The following ABCF2 variants were observed in gnomAD, a reference collection of about 807,000 sequenced individuals.
ABCF2 encodes the protein ATP binding cassette subfamily F member 2, also known as ATP-binding cassette sub-family F member 2.
ABCF2 carries 37 observed loss-of-function variants against 76.9 expected under a neutral mutation model. The observed-to-expected ratio is 0.48, with a 90% CI of 0.37 to 0.63. The LOEUF (loss-of-function observed/expected upper bound fraction) is 0.63, where lower values mean the gene tolerates loss of function less well. Ranked by LOEUF, ABCF2 falls within the 30% of genes least tolerant of loss-of-function variation. The probability of loss-of-function intolerance (pLI) is 0.00; values close to 1 mark genes in which losing one functional copy is unlikely to be tolerated. For missense variants in ABCF2, 524 were observed against 782.1 expected, an observed-to-expected ratio of 0.67 and a Z score of 3.94; for synonymous variants, 299 against 283.7, an observed-to-expected ratio of 1.05 and a Z score of -0.54.
intron 7 of ABCF2, among the ~76,000 whole-genome samples, chr7:151,220,542 T>C (rs1802246759): frequency 6.6e-6 from 1 of 152,168 alleles, no homozygotes; most frequent in Non-Finnish European, 1.5e-5. Flanking sequence ...AGGACATCAA[T>C]CGTTAGTTTC....
chr7:151,223,377 AG>A (rs1293359006), intron 5 of ABCF2, among the ~76,000 whole-genome samples: 1 of 152,176 alleles, frequency 6.6e-6, no homozygotes, highest in Non-Finnish European at 1.5e-5. Context: ...AAGGGTGGAA[AG>A]GGAATCCTGG....
At chr7:151,221,951 G>A in intron 6 of ABCF2, 1 of 393,554 alleles carries the variant, frequency 2.5e-6, no homozygotes, top group Admixed American at 4.0e-5. Flanking sequence ...AACAGTGATA[G>A]TAACCAGAAG....
Position 151,218,870 on chromosome 7 carries a change from A to G in ABCF2, c.1021T>C (p.Tyr341His). The stretch of plus-strand genomic sequence containing the variant: ...CTGCCATGACCAAACCTCGCAATGT[A>G]GTTCTAAAAAAGACCAAAGAGAGCT... The part of the protein sequence containing the change: ...EQDQIAHMKN[Y>H]IARFGHGSAK... The change falls in exon 9 of 15, where the codon TAC becomes CAC. Residue 341 changes from tyrosine (Y) to histidine (H), a missense_variant. Around this residue, in one of 2 missense-constraint regions of ABCF2, gnomAD observed 330 missense variants for 433.6 expected, o/e 0.76. Transcript: ENST00000287844. 6.2e-7 allele frequency: 1 copy of G among 1,613,556 alleles called. No individual in the cohort carries two copies. Among genetic ancestry groups the G allele is most frequent in the Non-Finnish European group, 8.5e-7 (1 of 1,180,000 alleles).
chr7:151,220,935 C>T (rs1802254151), intron 7 of ABCF2, among the ~76,000 whole-genome samples: 1 of 151,968 alleles, frequency 6.6e-6, no homozygotes, highest in Non-Finnish European at 1.5e-5. Context: ...TTGCAGTGAG[C>T]TGAGATCATG....
chr7:151,218,943 A>C (rs1382501570), intron 8 of ABCF2, 70 bp from the exon 9 acceptor site: 3 of 1,608,888 alleles, frequency 1.9e-6, no homozygotes, highest in African/African-American at 2.7e-5. Context: ...CCAGGGTAAA[A>C]ATGTTGATCG....
chr7:151,215,765 C>T lies in ABCF2; in HGVS notation c.1402-33G>A. The T allele has an allele frequency of 6.2e-7, 1 of 1,613,942 alleles. No homozygotes were observed. Among genetic ancestry groups the T allele is most frequent in the Non-Finnish European group, 8.5e-7 (1 of 1,179,898 alleles). ...AAAAATGGAAGCCACCCGGGTGTGA[C>T]TGGCATCCCGCTTCAAAATAAACCC... is the stretch of plus-strand genomic sequence containing the variant. On this transcript the variant is annotated intron_variant, in intron 12 of 14. Coordinates refer to ENST00000287844, the MANE Select transcript of ABCF2 (RefSeq NM_007189.3). The surrounding 1 kb of genome is among the most constrained non-coding windows in gnomAD (Gnocchi z 4.6).
chr7:151,225,064 AC>A, intron 2 of ABCF2, 76 bp from the exon 3 acceptor site: 1 of 1,324,834 alleles, frequency 7.5e-7, no homozygotes, highest in Non-Finnish European at 1.1e-6. Context: ...GTCCTGAAGG[AC>A]CAGGCTCCAA....
chr7:151,213,092 G>C lies in ABCF2; in HGVS notation c.*962C>G, dbSNP rs530546345. 7.1e-6 allele frequency: 7 copies of C among 985,192 alleles called. No individual in the cohort carries two copies. Among genetic ancestry groups the C allele is most frequent in the Non-Finnish European group, 7.2e-6 (6 of 829,858 alleles). The allele number at this position is 985,192 out of a possible 1,614,324, so 61.0% of individuals were successfully genotyped here. Reference sequence around the variant, plus strand: ...ATTTTTAACAAGCAGCCCAACTGCTGTGCAGTTGGGGCAGAACCTCAGATC... The same window carrying C: ...ATTTTTAACAAGCAGCCCAACTGCTCTGCAGTTGGGGCAGAACCTCAGATC... On this transcript the variant is annotated 3_prime_UTR_variant, in exon 15 of 15. Coordinates refer to ENST00000287844, the MANE Select transcript of ABCF2 (RefSeq NM_007189.3).
intron 6 of ABCF2, 44 bp downstream of exon 6, chr7:151,222,477 C>T (rs781638601): frequency 6.6e-7 from 1 of 1,516,906 alleles, no homozygotes; most frequent in Admixed American, 1.7e-5. Context: ...CTAGATTCCC[C>T]CTTTGGGACC....
Position 151,211,518 on chromosome 7 carries a change from A to G in ABCF2, c.*2536T>C, listed in dbSNP as rs1027746499. On this transcript the variant is annotated 3_prime_UTR_variant, in exon 15 of 15. Transcript: ENST00000287844. ...AAATATGTATTTTGTGGACTTTTAA[A>G]GCATTATTTAAATTACCAAGGTTGA... 1 of 984,482 alleles carries G rather than the reference A, an allele frequency of 1.0e-6. No individual in the cohort carries two copies. The highest frequency in any genetic ancestry group is 1.2e-6 in the Non-Finnish European group (1 of 829,030). The allele number at this position is 984,482 out of a possible 1,614,324, so 61.0% of individuals were successfully genotyped here.
chr7:151,215,023 C>T lies in ABCF2; in HGVS notation c.1590G>A (p.Leu530=), dbSNP rs778175485. 6.2e-7 allele frequency: 1 copy of T among 1,614,134 alleles called. No homozygotes were observed. Among genetic ancestry groups the T allele is most frequent in the Non-Finnish European group, 8.5e-7 (1 of 1,180,014 alleles). The part of the protein sequence containing the change: ...GQKCRVCLAW[L]AWQNPHMLFL... ...AGAGCATGTGGGGGTTCTGCCAGGC[C>T]AGCCAGGCCAGACACACTCGGCACT... is the stretch of plus-strand genomic sequence containing the variant. The change falls in exon 14 of 15, where the codon CTG becomes CTA. Residue 530 remains leucine (L), a synonymous_variant. Coordinates refer to ENST00000287844, the MANE Select transcript of ABCF2 (RefSeq NM_007189.3). The surrounding 1 kb of genome is among the most constrained non-coding windows in gnomAD (Gnocchi z 4.6).
intron 7 of ABCF2, among the ~76,000 whole-genome samples, chr7:151,221,210 T>TTG (rs1201864559): frequency 2.9e-4 from 44 of 151,764 alleles, no homozygotes; most frequent in African/African-American, 1.0e-3. Flanking sequence ...TGCTTTTTTT[T>TTG]TTTTTTTGAG....
At chr7:151,224,698 G>T (rs372319798) in intron 3 of ABCF2, 78 bp downstream of exon 3, 1 of 1,362,946 alleles carries the variant, frequency 7.3e-7, no homozygotes, top group Non-Finnish European at 1.0e-6. Context: ...TCTGAACACA[G>T]TTGATGCTAA....
chr7:151,221,515 T>C (rs950079075), intron 7 of ABCF2, 63 bp downstream of exon 7: 22 of 1,083,808 alleles, frequency 2.0e-5, no homozygotes, highest in Non-Finnish European at 3.0e-5. Flanking sequence ...TTTTTTTTTT[T>C]AAAGAGAATT....
Position 151,214,032 on chromosome 7 carries a change from G to T in ABCF2, c.*22C>A. 1 of 1,611,430 alleles carries T rather than the reference G, an allele frequency of 6.2e-7. No homozygotes were observed. The highest frequency in any genetic ancestry group is 1.1e-5 in the South Asian group (1 of 90,886). On this transcript the variant is annotated 3_prime_UTR_variant, in exon 15 of 15. Coordinates refer to ENST00000287844, the MANE Select transcript of ABCF2 (RefSeq NM_007189.3). This position sits in a 1 kb window ranked among gnomAD's most constrained non-coding sequence, Gnocchi z 4.9. ...CTGTTAGTTCCCAGATGGAGCTCCTGACCCGAACCCAGGTAGAGGGCTCAC... is the reference window on the plus strand; with the variant it reads ...CTGTTAGTTCCCAGATGGAGCTCCTTACCCGAACCCAGGTAGAGGGCTCAC...
At position 151,218,875 on chromosome 7, in the gene ABCF2, T is replaced by TA; in HGVS notation, c.1018-3dup. 6.2e-7 allele frequency: 1 copy of TA among 1,613,438 alleles called. No homozygotes were observed. Among genetic ancestry groups the TA allele is most frequent in the Non-Finnish European group, 8.5e-7 (1 of 1,180,002 alleles). ...ATGACCAAACCTCGCAATGTAGTTC[T>TA]AAAAAAGACCAAAGAGAGCTTGGAG... On this transcript the variant is annotated splice_polypyrimidine_tract_variant and splice_region_variant and intron_variant, in intron 8 of 14. Coordinates refer to ENST00000287844, the MANE Select transcript of ABCF2 (RefSeq NM_007189.3).
intron 2 of ABCF2, among the ~76,000 whole-genome samples, chr7:151,225,440 G>A (rs894364187): frequency 2.0e-5 from 3 of 152,180 alleles, no homozygotes; most frequent in Admixed American, 6.5e-5. Context: ...AGAAACAGGA[G>A]ATACAACATA....
rs1050788404 is a variant in ABCF2 at position 151,215,850 on chromosome 7, G to A, written c.1401+117C>T. On this transcript the variant is annotated intron_variant, in intron 12 of 14. Coordinates refer to ENST00000287844, the MANE Select transcript of ABCF2 (RefSeq NM_007189.3). The surrounding 1 kb of genome is among the most constrained non-coding windows in gnomAD (Gnocchi z 4.6). ...TGTTCTGGGTTCAAGAAGCAGGTAG[G>A]AGCCACCTAGGCTGGAATTCCTGCC... is the stretch of plus-strand genomic sequence containing the variant. The A allele has an allele frequency of 1.2e-5, 19 of 1,588,998 alleles. No homozygotes were observed. In the Admixed American group the frequency reaches 2.8e-4, roughly 23 times the overall value.
chr7:151,224,639 T>C (rs1036323620), intron 3 of ABCF2, 137 bp downstream of exon 3: 1 of 799,194 alleles, frequency 1.3e-6, no homozygotes, highest in African/African-American at 1.7e-5. Flanking sequence ...TGCTAGTTCC[T>C]TTCCCCTGGA....
Sources: allele counts gnomAD v4.1 joint callset (sites outside exome capture counted in the v4.1 genomes callset), GRCh38; gene constraint gnomAD v4.1.1; regional missense constraint gnomAD v4.1.1; non-coding constraint Gnocchi (gnomAD v3.1); transcripts MANE v1.5; gene names NCBI Gene and HGNC (gene_info 2026-07-23, HGNC 2026-07-21).